The following GRID1 variants were observed in gnomAD, a reference collection of about 807,000 sequenced individuals.
GRID1 encodes the protein glutamate ionotropic receptor delta type subunit 1, also known as glutamate receptor ionotropic, delta-1.
Under a neutral mutation model 98.0 loss-of-function variants are expected in GRID1, and 28 were observed. That is an observed-to-expected ratio of 0.29 (90% CI 0.21 to 0.39). The LOEUF is 0.39. GRID1 is among the 10% of genes least tolerant of loss of function. The probability of loss-of-function intolerance (pLI) is 1.00; values close to 1 mark genes in which losing one functional copy is unlikely to be tolerated. For missense variants in GRID1, 1,111 were observed against 1,340.5 expected (o/e 0.83, Z 2.67); for synonymous variants, 553 against 538.5 (o/e 1.03, Z -0.37).
At chr10:85,694,361 G>C (rs1841365421) in intron 12 of GRID1, among the ~76,000 whole-genome samples, 1 of 151,886 alleles carries the variant, frequency 6.6e-6, no homozygotes, top group African/African-American at 2.4e-5. Context: ...ATGGAAAACT[G>C]TATGGAGATT....
At chr10:86,083,476 G>T (rs899515905) in intron 4 of GRID1, among the ~76,000 whole-genome samples, 2 of 152,178 alleles carry the variant, frequency 1.3e-5, no homozygotes, top group African/African-American at 4.8e-5. Flanking sequence ...TTCGCTCCTC[G>T]CTGTCATGAG....
At chr10:86,044,949 T>C (rs1426671300) in intron 4 of GRID1, among the ~76,000 whole-genome samples, 3 of 152,200 alleles carry the variant, frequency 2.0e-5, no homozygotes, top group Non-Finnish European at 2.9e-5. Context: ...CACAAACTCA[T>C]TGCATATTCA....
chr10:85,773,424 T>A (rs1394332937), intron 8 of GRID1, among the ~76,000 whole-genome samples: 2 of 152,240 alleles, frequency 1.3e-5, no homozygotes, highest in Non-Finnish European at 2.9e-5. Flanking sequence ...AAGACAGGGA[T>A]GCCCCCTCTC....
intron 2 of GRID1, among the ~76,000 whole-genome samples, chr10:86,229,329 A>G (rs918476187): frequency 2.0e-5 from 3 of 152,140 alleles, no homozygotes; most frequent in Non-Finnish European, 4.4e-5. Context: ...ACCAGGCAGC[A>G]CTGCAAGCAG....
chr10:86,035,168 G>A (rs1033120980), intron 4 of GRID1, among the ~76,000 whole-genome samples: 6 of 152,174 alleles, frequency 3.9e-5, no homozygotes, highest in Non-Finnish European at 8.8e-5. Context: ...TACCTAATCA[G>A]TTCTAATAGG....
chr10:85,870,129 C>T (rs1459230877), intron 5 of GRID1, among the ~76,000 whole-genome samples: 1 of 152,142 alleles, frequency 6.6e-6, no homozygotes, highest in Non-Finnish European at 1.5e-5. Context: ...AGAGGCAGAC[C>T]CGCCCTCAAT....
chr10:86,105,483 G>A (rs1230166844), intron 4 of GRID1, among the ~76,000 whole-genome samples: 1 of 152,210 alleles, frequency 6.6e-6, no homozygotes, highest in Non-Finnish European at 1.5e-5. Flanking sequence ...TGCCTCCTGT[G>A]GCTCTCACAC....
intron 2 of GRID1, among the ~76,000 whole-genome samples, chr10:86,311,558 A>G (rs905077518): frequency 6.6e-5 from 10 of 151,848 alleles, no homozygotes; most frequent in Non-Finnish European, 1.3e-4. Context: ...ATAAATGCCT[A>G]GAGAGGTGCA....
intron 4 of GRID1, among the ~76,000 whole-genome samples, chr10:86,061,946 C>T (rs1843654708): frequency 6.6e-6 from 1 of 152,136 alleles, no homozygotes; most frequent in African/African-American, 2.4e-5. Context: ...CTGGCCCAAC[C>T]AGAAATAGAA....
chr10:85,711,296 A>G (rs1263858272), intron 12 of GRID1, among the ~76,000 whole-genome samples: 1 of 151,986 alleles, frequency 6.6e-6, no homozygotes, highest in Non-Finnish European at 1.5e-5. Flanking sequence ...ATTCAGCCTT[A>G]AAAAGGAAGG....
At chr10:85,795,008 C>A (rs569511256) in intron 8 of GRID1, among the ~76,000 whole-genome samples, 16 of 152,040 alleles carry the variant, frequency 1.1e-4, no homozygotes, top group African/African-American at 3.1e-4. Flanking sequence ...TATAAAGACA[C>A]AGAAATGATG....
At chr10:85,740,669 G>GC (rs1451951007) in intron 8 of GRID1, among the ~76,000 whole-genome samples, 1 of 151,926 alleles carries the variant, frequency 6.6e-6, no homozygotes. Context: ...CCTTGGGTGA[G>GC]CCCATGATAT....
At chr10:85,797,440 C>CT (rs1478932486) in intron 8 of GRID1, among the ~76,000 whole-genome samples, 1 of 151,436 alleles carries the variant, frequency 6.6e-6, no homozygotes, top group Non-Finnish European at 1.5e-5. Flanking sequence ...TATTTATTTA[C>CT]TTTTTTGAGA....
intron 5 of GRID1, among the ~76,000 whole-genome samples, chr10:85,906,847 A>C (rs1412375039): frequency 2.0e-5 from 3 of 152,156 alleles, no homozygotes; most frequent in Admixed American, 2.0e-4. Context: ...AGCCAAAGTA[A>C]ACAGAAAAAA....
chr10:85,841,808 T>C (rs1019058716), intron 8 of GRID1, among the ~76,000 whole-genome samples: 1 of 151,992 alleles, frequency 6.6e-6, no homozygotes, highest in African/African-American at 2.4e-5. Flanking sequence ...ATGGCTATTA[T>C]GAAAAAGTCA....
intron 12 of GRID1, among the ~76,000 whole-genome samples, chr10:85,667,283 T>C (rs1391745662): frequency 6.6e-6 from 1 of 151,486 alleles, no homozygotes; most frequent in Non-Finnish European, 1.5e-5. Flanking sequence ...GGCATTCTGA[T>C]ATGTAGCAAC....
At chr10:86,235,159 G>C (rs1564714605) in intron 2 of GRID1, among the ~76,000 whole-genome samples, 1 of 152,148 alleles carries the variant, frequency 6.6e-6, no homozygotes, top group African/African-American at 2.4e-5. Flanking sequence ...TCAGGCCCTG[G>C]AGAAGGCCCA....
chr10:86,003,618 T>C (rs1405631086), intron 4 of GRID1, among the ~76,000 whole-genome samples: 1 of 152,262 alleles, frequency 6.6e-6, no homozygotes, highest in Admixed American at 6.5e-5. Flanking sequence ...CCAGCCCAAG[T>C]ACGCGAGGAG....
At chr10:85,726,664 C>T (rs555262686) in intron 10 of GRID1, among the ~76,000 whole-genome samples, 12 of 152,124 alleles carry the variant, frequency 7.9e-5, no homozygotes, top group Non-Finnish European at 1.6e-4. Context: ...GAACCAGACA[C>T]AAAAGACCAC....
Sources: allele counts gnomAD v4.1 joint callset (sites outside exome capture counted in the v4.1 genomes callset), GRCh38; gene constraint gnomAD v4.1.1; transcripts MANE v1.5; gene names NCBI Gene and HGNC (gene_info 2026-07-23, HGNC 2026-07-21).